Variants in KCND2 observed in about 807,000 individuals in gnomAD.
KCND2 encodes the protein A-type voltage-gated potassium channel KCND2.
Under a neutral mutation model 54.4 loss-of-function variants are expected in KCND2, and 16 were observed. That is an observed-to-expected ratio of 0.29 (90% CI 0.20 to 0.45). The LOEUF is 0.45. Ranked by LOEUF, KCND2 falls within the 20% of genes least tolerant of loss-of-function variation. The pLI is 1.00. For missense variants in KCND2, 486 were observed against 824.2 expected (o/e 0.59, Z 5.02); for synonymous variants, 317 against 310.7 (o/e 1.02, Z -0.21).
intron 1 of KCND2, among the ~76,000 whole-genome samples, chr7:120,537,366 T>G (rs1791925428): frequency 6.6e-6 from 1 of 152,212 alleles, no homozygotes; most frequent in African/African-American, 2.4e-5. Flanking sequence ...GCTGTTTCAT[T>G]TCTAGAGCAC....
intron 1 of KCND2, among the ~76,000 whole-genome samples, chr7:120,494,610 T>C (rs1802825302): frequency 6.6e-6 from 1 of 152,122 alleles, no homozygotes; most frequent in Non-Finnish European, 1.5e-5. Flanking sequence ...TTTAAACAAT[T>C]CTAAAAATAT....
At chr7:120,385,732 A>C (rs963392325) in intron 1 of KCND2, among the ~76,000 whole-genome samples, 9 of 152,184 alleles carry the variant, frequency 5.9e-5, no homozygotes. Flanking sequence ...AGTTCAAGAC[A>C]ACATTAAAGG....
intron 1 of KCND2, among the ~76,000 whole-genome samples, chr7:120,468,595 G>A (rs1415784379): frequency 6.6e-6 from 1 of 152,006 alleles, no homozygotes; most frequent in Non-Finnish European, 1.5e-5. Flanking sequence ...ATTTTCTGTA[G>A]GCTATTTTTA....
intron 2 of KCND2, among the ~76,000 whole-genome samples, chr7:120,734,634 G>C (rs1259846944): frequency 6.6e-6 from 1 of 152,050 alleles, no homozygotes; most frequent in Non-Finnish European, 1.5e-5. Context: ...GGCCCTTGTT[G>C]CTTAGAAATA....
Position 120,452,083 on chromosome 7 carries a change from G to T in KCND2, c.1115+176336G>T, listed in dbSNP as rs184479707. 2.6e-5 allele frequency among the ~76,000 whole-genome samples: 4 copies of T among 152,240 alleles called. No homozygotes were observed. In the East Asian group the frequency reaches 7.7e-4, roughly 29 times the overall value. ...TTATTTTACAGACTATGAGAGACAAGAAATACAAGTATATAGAACATATGA... is the reference window on the plus strand; with the variant it reads ...TTATTTTACAGACTATGAGAGACAATAAATACAAGTATATAGAACATATGA... On this transcript the variant is annotated intron_variant, in intron 1 of 5. Coordinates refer to ENST00000331113, the MANE Select transcript of KCND2 (RefSeq NM_012281.3).
At chr7:120,619,301 G>T (rs947296873) in intron 1 of KCND2, among the ~76,000 whole-genome samples, 1 of 152,186 alleles carries the variant, frequency 6.6e-6, no homozygotes, top group African/African-American at 2.4e-5. Context: ...ATGGTAGCAT[G>T]CATCTGTAGT....
chr7:120,563,316 C>T (rs1254538365), intron 1 of KCND2, among the ~76,000 whole-genome samples: 1 of 152,122 alleles, frequency 6.6e-6, no homozygotes, highest in African/African-American at 2.4e-5. Flanking sequence ...TTTTCTATCT[C>T]AGATTGCAAC....
intron 1 of KCND2, among the ~76,000 whole-genome samples, chr7:120,705,934 G>C (rs1792461559): frequency 6.6e-6 from 1 of 151,852 alleles, no homozygotes; most frequent in Non-Finnish European, 1.5e-5. Flanking sequence ...CCAGCTCCCT[G>C]AACTCCTTTC....
At chr7:120,573,709 C>A (rs1435219092) in intron 1 of KCND2, among the ~76,000 whole-genome samples, 1 of 151,784 alleles carries the variant, frequency 6.6e-6, no homozygotes, top group Non-Finnish European at 1.5e-5. Context: ...TGCAAGAAAC[C>A]TAAAAGGGTG....
intron 1 of KCND2, among the ~76,000 whole-genome samples, chr7:120,627,748 C>T (rs538837768): frequency 6.6e-6 from 1 of 151,778 alleles, no homozygotes; most frequent in Admixed American, 6.6e-5. Context: ...TTGTATATAG[C>T]AGTTATAATA....
At chr7:120,503,504 G>A (rs962943757) in intron 1 of KCND2, among the ~76,000 whole-genome samples, 1 of 151,802 alleles carries the variant, frequency 6.6e-6, no homozygotes, top group Non-Finnish European at 1.5e-5. Flanking sequence ...TTAAACATAA[G>A]TGTTCCAAAC....
intron 1 of KCND2, among the ~76,000 whole-genome samples, chr7:120,678,846 G>A (rs1792105375): frequency 1.3e-5 from 2 of 149,172 alleles, no homozygotes; most frequent in South Asian, 4.2e-4. Flanking sequence ...TTCAGCTTGA[G>A]TTGTGTATAT....
At position 120,295,345 on chromosome 7, in the gene KCND2, G is replaced by A. The variant is rs1049237163; in HGVS notation, c.1115+19598G>A. On this transcript the variant is annotated intron_variant, in intron 1 of 5. Transcript: ENST00000331113. ...CTGCCCTGAAAAAATATGTCATAGA[G>A]TAACACACACACACACACACACACA... 9.7e-5 allele frequency among the ~76,000 whole-genome samples: 12 copies of A among 123,096 alleles called. No homozygotes were observed. In the East Asian group the frequency reaches 2.7e-3, roughly 27 times the overall value. 80.8% of individuals were successfully genotyped at this position (123,096 alleles called of 152,430 possible).
At chr7:120,445,032 T>C (rs1168068265) in intron 1 of KCND2, among the ~76,000 whole-genome samples, 1 of 152,174 alleles carries the variant, frequency 6.6e-6, no homozygotes, top group Non-Finnish European at 1.5e-5. Context: ...GACTAGAGCA[T>C]TGATGTTGAA....
intron 1 of KCND2, among the ~76,000 whole-genome samples, chr7:120,372,246 T>A (rs1194813523): frequency 6.6e-6 from 1 of 151,882 alleles, no homozygotes; most frequent in Non-Finnish European, 1.5e-5. Flanking sequence ...TGCTAGAGAT[T>A]CTCCAGTGTG....
chr7:120,735,186 G>A (rs928999082), intron 2 of KCND2, among the ~76,000 whole-genome samples: 2 of 151,928 alleles, frequency 1.3e-5, no homozygotes, highest in Non-Finnish European at 2.9e-5. Flanking sequence ...CTAACGAATA[G>A]GGAGGAGTAG....
intron 1 of KCND2, among the ~76,000 whole-genome samples, chr7:120,440,030 G>A (rs946602293): frequency 5.3e-5 from 8 of 151,980 alleles, no homozygotes; most frequent in Non-Finnish European, 8.8e-5. Flanking sequence ...ACGATTGCTG[G>A]ATCATATGGC....
At chr7:120,312,702 T>C (rs961936046) in intron 1 of KCND2, among the ~76,000 whole-genome samples, 3 of 152,112 alleles carry the variant, frequency 2.0e-5, no homozygotes, top group Non-Finnish European at 2.9e-5. Context: ...TAGCTTAGCC[T>C]TGAGTGAGTG....
At chr7:120,277,861 C>T (rs1485605292) in intron 1 of KCND2, among the ~76,000 whole-genome samples, 1 of 151,922 alleles carries the variant, frequency 6.6e-6, no homozygotes, top group Non-Finnish European at 1.5e-5. Flanking sequence ...TGAGTAAAAT[C>T]TATGCAGTGG....
Sources: allele counts gnomAD v4.1 joint callset (sites outside exome capture counted in the v4.1 genomes callset), GRCh38; gene constraint gnomAD v4.1.1; transcripts MANE v1.5; gene names NCBI Gene and HGNC (gene_info 2026-07-23, HGNC 2026-07-21).